MYT1L: variants seen among roughly 807,000 people sequenced by gnomAD.
MYT1L encodes myelin transcription factor 1-like protein.
In MYT1L, 12 loss-of-function variants were observed where a neutral mutation model predicts 126.7. The ratio of observed to expected loss-of-function variants is 0.09; its 90% CI spans 0.06 to 0.15. The LOEUF (loss-of-function observed/expected upper bound fraction) is 0.15. Among genes scored for constraint, MYT1L ranks in the 10% least tolerant of loss-of-function variants. The pLI is 1.00. For missense variants in MYT1L, 979 were observed against 1,585.2 expected, an observed-to-expected ratio of 0.62 and a Z score of 6.49; for synonymous variants, 541 against 604.2, an observed-to-expected ratio of 0.90 and a Z score of 1.53.
At chr2:2,090,980 G>A (rs1223048853) in intron 3 of MYT1L, among the ~76,000 whole-genome samples, 1 of 152,160 alleles carries the variant, frequency 6.6e-6, no homozygotes, top group Non-Finnish European at 1.5e-5. Context: ...TAGTTCTCTT[G>A]CTATTTCTAC....
chr2:2,068,776 T>A (rs1377660105), intron 3 of MYT1L, among the ~76,000 whole-genome samples: 5 of 137,346 alleles, frequency 3.6e-5, no homozygotes, highest in Non-Finnish European at 7.8e-5. Context: ...CTTGTTTTTT[T>A]TTTTTTTTTT....
In MYT1L at chr2:2,278,348, C is replaced by G. The variant is rs543182597; in HGVS notation, c.-421+6056G>C. ...CAAACATAGAAAGCTGGATTTATTT[C>G]CTGCCAGTCTGGTTTAGGGATCCCT... On this transcript the variant is annotated intron_variant, in intron 2 of 24. Transcript: ENST00000647738. Among the ~76,000 whole-genome samples, 3 of 152,284 alleles carry G rather than the reference C, an allele frequency of 2.0e-5. No homozygotes were observed. In the South Asian group the frequency reaches 6.2e-4, roughly 32 times the overall value.
rs1234617975 is a variant in MYT1L at position 2,231,188 on chromosome 2, AC to A, written c.-421+53215del. Among the ~76,000 whole-genome samples the A allele has an allele frequency of 3.3e-5, 5 of 152,336 alleles. No homozygotes were observed. The East Asian group carries it at 9.7e-4, about 29-fold the overall frequency. On this transcript the variant is annotated intron_variant, in intron 2 of 24. Transcript: ENST00000647738. The stretch of plus-strand genomic sequence containing the variant: ...TTGAGCTGGATTGGGAAAAATATTA[AC>A]AGCTGAATATTAAAGCATGAGAGAA...
chr2:1,945,324 C>G (rs564206876), intron 8 of MYT1L, among the ~76,000 whole-genome samples: 1 of 152,184 alleles, frequency 6.6e-6, no homozygotes, highest in South Asian at 2.1e-4. Flanking sequence ...GCTAGAGATG[C>G]GGGGAGCAGA....
chr2:2,170,941 C>T (rs552161268), intron 3 of MYT1L, among the ~76,000 whole-genome samples: 3 of 152,148 alleles, frequency 2.0e-5, no homozygotes, highest in South Asian at 2.1e-4. Flanking sequence ...GAAAGATCGA[C>T]GTGAAATGCA....
chr2:1,854,728 C>G (rs983990129), intron 18 of MYT1L, among the ~76,000 whole-genome samples: 1 of 152,116 alleles, frequency 6.6e-6, no homozygotes, highest in Non-Finnish European at 1.5e-5. Context: ...GGCGTTCATC[C>G]CAGGCGTGCC....
intron 10 of MYT1L, among the ~76,000 whole-genome samples, chr2:1,919,096 C>T (rs570145417): frequency 6.6e-6 from 1 of 152,228 alleles, no homozygotes; most frequent in Admixed American, 6.5e-5. Context: ...TTAAGTGACC[C>T]TATTTTACCA....
At chr2:1,795,062 C>T (rs1004156941) in intron 23 of MYT1L, among the ~76,000 whole-genome samples, 3 of 152,214 alleles carry the variant, frequency 2.0e-5, no homozygotes, top group Admixed American at 6.5e-5. Flanking sequence ...CCAGCCCACA[C>T]ACGAAGGGCC....
intron 2 of MYT1L, among the ~76,000 whole-genome samples, chr2:2,251,042 A>T (rs2094634189): frequency 6.6e-6 from 1 of 152,222 alleles, no homozygotes; most frequent in Non-Finnish European, 1.5e-5. Flanking sequence ...AATGGCATGA[A>T]AAATGTTCAT....
chr2:2,048,704 T>TC (rs2068470354), intron 4 of MYT1L, among the ~76,000 whole-genome samples: 1 of 152,152 alleles, frequency 6.6e-6, no homozygotes, highest in African/African-American at 2.4e-5. Flanking sequence ...TAGATCTGAA[T>TC]CCCCCTAAGC....
chr2:1,993,520 T>C (rs959636193), intron 5 of MYT1L, among the ~76,000 whole-genome samples: 4 of 152,230 alleles, frequency 2.6e-5, no homozygotes, highest in Admixed American at 2.0e-4. Flanking sequence ...TGTCTATCCA[T>C]TGAACTCATC....
intron 9 of MYT1L, among the ~76,000 whole-genome samples, chr2:1,925,790 C>T (rs377159076): frequency 2.0e-5 from 3 of 152,150 alleles, no homozygotes; most frequent in Non-Finnish European, 2.9e-5. Flanking sequence ...TACAGCTCGG[C>T]GCCCATCATG....
intron 18 of MYT1L, among the ~76,000 whole-genome samples, chr2:1,855,422 A>C (rs2043788406): frequency 6.6e-6 from 1 of 152,194 alleles, no homozygotes; most frequent in Non-Finnish European, 1.5e-5. Flanking sequence ...TGGGTTTGGA[A>C]ATGGCAGAAG....
chr2:1,854,962 G>T (rs779304917), intron 18 of MYT1L, among the ~76,000 whole-genome samples: 27 of 152,184 alleles, frequency 1.8e-4, no homozygotes, highest in Non-Finnish European at 3.8e-4. Context: ...ACCAGCCCCC[G>T]GTTTTCGGGG....
chr2:2,261,565 T>C (rs1047408175), intron 2 of MYT1L, among the ~76,000 whole-genome samples: 1 of 152,138 alleles, frequency 6.6e-6, no homozygotes, highest in African/African-American at 2.4e-5. Context: ...AGTTGGCAGG[T>C]GAGATGTTCA....
At chr2:1,876,697 C>G (rs149738226) in intron 18 of MYT1L, among the ~76,000 whole-genome samples, 4 of 152,324 alleles carry the variant, frequency 2.6e-5, no homozygotes, top group African/African-American at 9.6e-5. Context: ...GCCAGGGCTC[C>G]GGACTGGCCT....
chr2:2,225,444 C>T (rs1331757312), intron 2 of MYT1L, among the ~76,000 whole-genome samples: 3 of 152,224 alleles, frequency 2.0e-5, no homozygotes, highest in Admixed American at 6.5e-5. Flanking sequence ...TCTCCAGTCT[C>T]GTCTCGGGCT....
intron 21 of MYT1L, among the ~76,000 whole-genome samples, chr2:1,834,656 G>A (rs1437130353): frequency 6.6e-6 from 1 of 152,252 alleles, no homozygotes; most frequent in Non-Finnish European, 1.5e-5. Context: ...AGCACAGTGT[G>A]GGTGCCAGGG....
chr2:1,917,406 C>T lies in MYT1L; in HGVS notation c.1484-67G>A. 3 of 1,523,306 alleles carry T rather than the reference C, an allele frequency of 2.0e-6. No individual in the cohort carries two copies. The highest frequency in any genetic ancestry group is 2.7e-6 in the Non-Finnish European group (3 of 1,123,368). 94.4% of individuals were successfully genotyped at this position (1,523,306 alleles called of 1,614,324 possible). A position where few individuals can be genotyped will look rare whatever the true frequency, so the allele number is the denominator to read the frequency against. ...ATCAAAGACAAATGTGATTATTTCA[C>T]AATCTGAAGAAACCTTGCTAAAGAA... On this transcript the variant is annotated intron_variant, in intron 10 of 24. Coordinates refer to ENST00000647738, the MANE Select transcript of MYT1L (RefSeq NM_001303052.2). The surrounding 1 kb of genome is among the most constrained non-coding windows in gnomAD (Gnocchi z 5.9).
Sources: gnomAD v4.1 joint callset for allele counts (sites outside exome capture counted in the v4.1 genomes callset) on GRCh38, gnomAD v4.1.1 for gene constraint, Gnocchi (gnomAD v3.1) non-coding constraint, MANE v1.5 for transcripts, NCBI Gene and HGNC (gene_info 2026-07-23, HGNC 2026-07-21) for gene names.